Variants in DNM3 observed in about 807,000 individuals in gnomAD.
DNM3 encodes the protein dynamin 3, also known as dynamin-3.
In DNM3, 47 loss-of-function variants were observed where a neutral mutation model predicts 101.6. The observed-to-expected ratio is 0.46, with a 90% CI of 0.37 to 0.59. The LOEUF is 0.59. DNM3 is among the 20% of genes least tolerant of loss of function. The probability of loss-of-function intolerance (pLI) is 0.00; values close to 1 mark genes in which losing one functional copy is unlikely to be tolerated. For synonymous variants in DNM3, 385 were observed against 387.9 expected, an observed-to-expected ratio of 0.99 and a Z score of 0.09; for missense variants, 849 against 1,085.7, an observed-to-expected ratio of 0.78 and a Z score of 3.06.
chr1:172,416,040 A>G (rs1433763893), downstream of DNM3, among the ~76,000 whole-genome samples: 1 of 152,160 alleles, frequency 6.6e-6, no homozygotes, highest in Non-Finnish European at 1.5e-5. Context: ...CCTTTACCTG[A>G]TTTGGCCAAA....
At chr1:172,102,121 G>T (rs1016480442) in intron 13 of DNM3, among the ~76,000 whole-genome samples, 15 of 151,940 alleles carry the variant, frequency 9.9e-5, no homozygotes, top group African/African-American at 3.4e-4. Context: ...GCCTCTCAAA[G>T]TGCTGGGATT....
intron 10 of DNM3, among the ~76,000 whole-genome samples, chr1:172,067,055 C>T (rs2051738258): frequency 6.6e-6 from 1 of 151,866 alleles, no homozygotes; most frequent in Non-Finnish European, 1.5e-5. Context: ...TTCTTGACAC[C>T]CCTCAGCAAG....
chr1:171,908,570 C>G (rs1283159130), intron 1 of DNM3, among the ~76,000 whole-genome samples: 1 of 151,658 alleles, frequency 6.6e-6, no homozygotes, highest in African/African-American at 2.4e-5. Context: ...GCTTATTTTC[C>G]TATCTTTATT....
intron 16 of DNM3, among the ~76,000 whole-genome samples, chr1:172,312,183 G>A (rs913956985): frequency 1.1e-4 from 17 of 152,136 alleles, no homozygotes; most frequent in African/African-American, 1.9e-4. Flanking sequence ...AGATGCCTCC[G>A]TCTGTGTAAA....
intron 14 of DNM3, among the ~76,000 whole-genome samples, chr1:172,160,584 A>G (rs928786330): frequency 6.6e-6 from 1 of 151,980 alleles, no homozygotes. Flanking sequence ...AGTAACATGC[A>G]TGGAACTGTC....
At chr1:171,920,015 T>G (rs1265012484) in intron 1 of DNM3, among the ~76,000 whole-genome samples, 1 of 152,224 alleles carries the variant, frequency 6.6e-6, no homozygotes, top group African/African-American at 2.4e-5. Flanking sequence ...TTTCACTATT[T>G]TCTATTGTAG....
intron 4 of DNM3, among the ~76,000 whole-genome samples, chr1:172,006,315 A>G (rs12407436): frequency 0.21 from 31,268 of 151,938 alleles, 3,530 homozygotes; most frequent in East Asian, 0.41. Flanking sequence ...TTCCTTGTCC[A>G]TTATCTTCTT....
chr1:171,928,454 G>A (rs181819784), intron 2 of DNM3, among the ~76,000 whole-genome samples: 14 of 152,204 alleles, frequency 9.2e-5, no homozygotes, highest in Admixed American at 6.5e-5. Context: ...GAGAGATGCA[G>A]GTCAGCAATT....
At chr1:172,053,381 A>C (rs2050342710) in intron 10 of DNM3, among the ~76,000 whole-genome samples, 1 of 152,064 alleles carries the variant, frequency 6.6e-6, no homozygotes, top group Non-Finnish European at 1.5e-5. Flanking sequence ...ATCTTCCTAA[A>C]GGGCCTCTGT....
chr1:171,963,982 A>G (rs2043396692), intron 2 of DNM3, among the ~76,000 whole-genome samples: 1 of 152,066 alleles, frequency 6.6e-6, no homozygotes, highest in Non-Finnish European at 1.5e-5. Context: ...CTCCCCTTGA[A>G]ACTCAGGCAC....
chr1:172,085,256 A>G (rs1175191800), intron 12 of DNM3, among the ~76,000 whole-genome samples: 1 of 151,996 alleles, frequency 6.6e-6, no homozygotes, highest in Non-Finnish European at 1.5e-5. Context: ...TTAGAAAAAA[A>G]AAAACCCTAA....
chr1:172,238,629 G>GT (rs768073528), intron 14 of DNM3, among the ~76,000 whole-genome samples: 28 of 152,072 alleles, frequency 1.8e-4, no homozygotes, highest in Non-Finnish European at 3.4e-4. Flanking sequence ...ATCGGCAGAG[G>GT]TAAGCATGCA....
intron 2 of DNM3, among the ~76,000 whole-genome samples, chr1:171,942,323 C>T (rs901596567): frequency 2.0e-5 from 3 of 149,684 alleles, no homozygotes; most frequent in African/African-American, 7.4e-5. Context: ...TTCCAAGGAA[C>T]CATATGTTAA....
At chr1:172,269,027 AT>A (rs1265474552) in intron 15 of DNM3, among the ~76,000 whole-genome samples, 1 of 152,214 alleles carries the variant, frequency 6.6e-6, no homozygotes, top group East Asian at 1.9e-4. Flanking sequence ...ATAGGATAGA[AT>A]CAGCAACTTC....
chr1:172,258,925 A>G (rs991034286), intron 15 of DNM3, among the ~76,000 whole-genome samples: 11 of 150,926 alleles, frequency 7.3e-5, no homozygotes, highest in African/African-American at 2.7e-4. Flanking sequence ...ACTTTATTTC[A>G]TAGGTTTTGG....
At chr1:171,846,629 GATT>G (rs1558156701) in intron 1 of DNM3, among the ~76,000 whole-genome samples, 1 of 152,300 alleles carries the variant, frequency 6.6e-6, no homozygotes, top group East Asian at 1.9e-4. Context: ...GAAAGAAATA[GATT>G]ATTTTTTTCC....
intron 4 of DNM3, among the ~76,000 whole-genome samples, chr1:172,020,657 G>A (rs554164278): frequency 1.4e-5 from 2 of 146,198 alleles, no homozygotes; most frequent in Non-Finnish European, 3.0e-5. Flanking sequence ...CCGGGAGGTG[G>A]AGCTTGCAGT....
chr1:172,323,213 A>G, intron 16 of DNM3, 116 bp from the exon 17 acceptor site: 3 of 937,376 alleles, frequency 3.2e-6, no homozygotes, highest in Non-Finnish European at 4.5e-6. Flanking sequence ...AGCAAGAAAA[A>G]CCTCATTTTA....
chr1:172,269,832 G>A (rs946151857), intron 15 of DNM3, among the ~76,000 whole-genome samples: 2 of 152,170 alleles, frequency 1.3e-5, no homozygotes. Context: ...CAAGTGTTCA[G>A]GTATTTCAGT....
Sources: gnomAD v4.1 joint callset for allele counts (sites outside exome capture counted in the v4.1 genomes callset) on GRCh38, gnomAD v4.1.1 for gene constraint, MANE v1.5 for transcripts, NCBI Gene and HGNC (gene_info 2026-07-23, HGNC 2026-07-21) for gene names.